Variants in HPSE2 observed in about 807,000 individuals in gnomAD.
HPSE2 encodes the protein inactive heparanase-2.
Under a neutral mutation model 60.5 loss-of-function variants are expected in HPSE2, and 38 were observed. The ratio of observed to expected loss-of-function variants is 0.63; its 90% confidence interval spans 0.48 to 0.82. The LOEUF is 0.82. Ranked by LOEUF, HPSE2 falls within the 40% of genes least tolerant of loss-of-function variation. The probability of loss-of-function intolerance (pLI) is 0.00; values close to 1 mark genes in which losing one functional copy is unlikely to be tolerated. For synonymous variants in HPSE2, 295 were observed against 293.2 expected (o/e 1.01, Z -0.06); for missense variants, 713 against 740.4 (o/e 0.96, Z 0.43).
Position 98,930,976 on chromosome 10 carries a change from G to A in HPSE2, c.611-186920C>T, listed in dbSNP as rs1413770557. 5.6e-5 allele frequency among the ~76,000 whole-genome samples: 8 copies of A among 143,996 alleles called. 2 individuals carry two copies. The highest frequency in any genetic ancestry group is 1.7e-4 in the African/African-American group (6 of 35,402). 94.5% of individuals were successfully genotyped at this position (143,996 alleles called of 152,430 possible). A position where few individuals can be genotyped will look rare whatever the true frequency, so the allele number is the denominator to read the frequency against. ...GTGAAGAAGCTCCTTAGTTTAATTA[G>A]ATCCCATTTGTCAATTTTTGTTTTT... On this transcript the variant is annotated intron_variant, in intron 3 of 11. Coordinates refer to ENST00000370552, the MANE Select transcript of HPSE2 (RefSeq NM_021828.5).
chr10:98,802,567 G>A (rs1191961254), intron 3 of HPSE2, among the ~76,000 whole-genome samples: 5 of 145,566 alleles, frequency 3.4e-5, no homozygotes, highest in African/African-American at 5.1e-5. Flanking sequence ...GAGAATATGC[G>A]GTGTTTGGTT....
At chr10:99,119,683 T>G (rs1844868400) in intron 3 of HPSE2, among the ~76,000 whole-genome samples, 1 of 152,174 alleles carries the variant, frequency 6.6e-6, no homozygotes, top group Non-Finnish European at 1.5e-5. Context: ...TCATACTACC[T>G]GACTTCAAAC....
intron 3 of HPSE2, among the ~76,000 whole-genome samples, chr10:98,817,849 A>G (rs1440717833): frequency 6.6e-6 from 1 of 152,206 alleles, no homozygotes. Context: ...ATTACTGAGG[A>G]CCCTCATAAA....
At chr10:98,802,050 T>G (rs1950921627) in intron 3 of HPSE2, among the ~76,000 whole-genome samples, 1 of 145,272 alleles carries the variant, frequency 6.9e-6, no homozygotes, top group African/African-American at 2.8e-5. Flanking sequence ...TATAGTGAAC[T>G]CATTTTTGAC....
intron 9 of HPSE2, among the ~76,000 whole-genome samples, chr10:98,591,828 C>T (rs1945100042): frequency 6.6e-6 from 1 of 152,152 alleles, no homozygotes; most frequent in African/African-American, 2.4e-5. Flanking sequence ...GCACGTATAA[C>T]ACTGCATTAC....
chr10:98,776,776 G>A (rs1950350016), intron 3 of HPSE2, among the ~76,000 whole-genome samples: 1 of 151,128 alleles, frequency 6.6e-6, no homozygotes, highest in South Asian at 2.1e-4. Flanking sequence ...GAATAATTAG[G>A]AAAAATTAGT....
chr10:98,742,307 G>A (rs986003602), intron 4 of HPSE2, among the ~76,000 whole-genome samples: 3 of 152,142 alleles, frequency 2.0e-5, no homozygotes, highest in African/African-American at 4.8e-5. Flanking sequence ...GCTACTGGTA[G>A]GAAAGTTGGA....
intron 8 of HPSE2, among the ~76,000 whole-genome samples, chr10:98,615,400 T>C (rs892178123): frequency 1.5e-4 from 23 of 152,238 alleles, no homozygotes; most frequent in African/African-American, 5.3e-4. Flanking sequence ...GCGCACATTG[T>C]GCATTCCATC....
chr10:99,058,377 T>C (rs1267119954), intron 3 of HPSE2, among the ~76,000 whole-genome samples: 3 of 152,222 alleles, frequency 2.0e-5, no homozygotes, highest in African/African-American at 7.2e-5. Context: ...TAGTTTTGTG[T>C]TGTCACTTCC....
intron 11 of HPSE2, chr10:98,461,853 C>A: frequency 6.7e-7 from 1 of 1,489,874 alleles, no homozygotes. Context: ...GATTAGCAAA[C>A]CTTTAAAAAT....
At chr10:98,753,042 T>A (rs2134359804) in intron 3 of HPSE2, among the ~76,000 whole-genome samples, 1 of 152,236 alleles carries the variant, frequency 6.6e-6, no homozygotes, top group East Asian at 1.9e-4. Flanking sequence ...TGCTGAGGAC[T>A]TTAGTTGGGA....
chr10:98,462,968 T>G (rs931606822), intron 11 of HPSE2, among the ~76,000 whole-genome samples: 2 of 152,150 alleles, frequency 1.3e-5, no homozygotes, highest in Admixed American at 6.5e-5. Flanking sequence ...GCTTTTTTTT[T>G]TTTTTTATCT....
chr10:98,477,835 C>T (rs904315749), intron 11 of HPSE2, among the ~76,000 whole-genome samples: 3 of 151,808 alleles, frequency 2.0e-5, no homozygotes, highest in African/African-American at 7.3e-5. Flanking sequence ...GCATTACCAC[C>T]TGAGCTCCAC....
At chr10:98,859,507 T>C (rs897067605) in intron 3 of HPSE2, among the ~76,000 whole-genome samples, 1 of 152,160 alleles carries the variant, frequency 6.6e-6, no homozygotes, top group Non-Finnish European at 1.5e-5. Context: ...GCCCAAATAG[T>C]ATAAAAAGTG....
intron 9 of HPSE2, among the ~76,000 whole-genome samples, chr10:98,596,938 G>C (rs1360491578): frequency 6.6e-6 from 1 of 152,118 alleles, no homozygotes; most frequent in Admixed American, 6.5e-5. Flanking sequence ...AGGTTTAATT[G>C]ACTCACAGTT....
chr10:99,206,008 C>T (rs2133896014), intron 2 of HPSE2, among the ~76,000 whole-genome samples: 1 of 152,294 alleles, frequency 6.6e-6, no homozygotes, highest in African/African-American at 2.4e-5. Context: ...ACTGGTGATG[C>T]TGGAAGTGCT....
Position 98,949,332 on chromosome 10 carries a change from C to T in HPSE2, c.610+194906G>A, listed in dbSNP as rs188632515. On this transcript the variant is annotated intron_variant, in intron 3 of 11. Coordinates refer to ENST00000370552, the MANE Select transcript of HPSE2 (RefSeq NM_021828.5). ...GTTAATATAGACCCTTACCCCTCCC[C>T]ACAATGGATGTAACCCAAGGTGGGC... Among the ~76,000 whole-genome samples the T allele has an allele frequency of 3.2e-3, 489 of 152,218 alleles. 5 individuals are homozygous for T. Among genetic ancestry groups the T allele is most frequent in the African/African-American group, 0.011 (464 of 41,550 alleles).
At chr10:98,887,969 A>T (rs12266088) in intron 3 of HPSE2, among the ~76,000 whole-genome samples, 2,328 of 151,672 alleles carry the variant, frequency 0.015, 62 homozygotes, top group African/African-American at 0.053. Context: ...AAAAGAAAGA[A>T]TAAGACCTAC....
intron 9 of HPSE2, among the ~76,000 whole-genome samples, chr10:98,523,359 C>T (rs1370789808): frequency 6.6e-6 from 1 of 152,124 alleles, no homozygotes; most frequent in African/African-American, 2.4e-5. Flanking sequence ...GTTCTACAGA[C>T]TTTGTATAAG....
Sources: allele counts gnomAD v4.1 joint callset (sites outside exome capture counted in the v4.1 genomes callset), GRCh38; gene constraint gnomAD v4.1.1; transcripts MANE v1.5; gene names NCBI Gene and HGNC (gene_info 2026-07-23, HGNC 2026-07-21).